The following HADHB variants were observed in gnomAD, a reference collection of about 807,000 sequenced individuals.
HADHB encodes the protein hydroxyacyl-CoA dehydrogenase trifunctional multienzyme complex subunit beta, also known as trifunctional enzyme subunit beta, mitochondrial.
In HADHB, 50 loss-of-function variants were observed where a neutral mutation model predicts 61.9. The observed-to-expected ratio is 0.81, with a 90% confidence interval of 0.64 to 1.02. HADHB has a LOEUF of 1.02. Among genes scored for constraint, HADHB ranks in the 50% least tolerant of loss-of-function variants. The pLI is 0.00. For synonymous variants in HADHB, 191 were observed against 201.6 expected (o/e 0.95, Z 0.45); for missense variants, 504 against 586.5 (o/e 0.86, Z 1.45).
intron 6 of HADHB, among the ~76,000 whole-genome samples, chr2:26,276,187 G>A (rs1356104880): frequency 6.6e-6 from 1 of 152,164 alleles, no homozygotes; most frequent in Admixed American, 6.5e-5. Flanking sequence ...AATTATAGAT[G>A]TGCTCATTTC....
At chr2:26,259,158 T>C (rs916503515) in intron 3 of HADHB, among the ~76,000 whole-genome samples, 1 of 152,232 alleles carries the variant, frequency 6.6e-6, no homozygotes, top group African/African-American at 2.4e-5. Flanking sequence ...TCAAGGGTTC[T>C]GTCGTGATCC....
intron 5 of HADHB, among the ~76,000 whole-genome samples, chr2:26,271,032 C>T (rs1672320783): frequency 6.6e-6 from 1 of 151,250 alleles, no homozygotes; most frequent in Non-Finnish European, 1.5e-5. Context: ...GCGCCTGCCA[C>T]CATGCCCGGC....
At chr2:26,267,110 T>A (rs977420104) in intron 4 of HADHB, among the ~76,000 whole-genome samples, 1 of 152,116 alleles carries the variant, frequency 6.6e-6, no homozygotes, top group African/African-American at 2.4e-5. Flanking sequence ...AGAATGAATC[T>A]TCTTATTTAA....
chr2:26,258,536 C>T (rs1047969615), intron 3 of HADHB, among the ~76,000 whole-genome samples: 1 of 152,202 alleles, frequency 6.6e-6, no homozygotes, highest in Non-Finnish European at 1.5e-5. Context: ...AGCGGACACC[C>T]TGCCAGATCC....
rs1023807527 is a variant in HADHB at position 26,284,898 on chromosome 2, A to G, written c.1165A>G (p.Asn389Asp). ...TCTCTTCCAGGGTCAGATTTTGGCA[A>G]ATTTTAAAGCCATGGATTCTGATTG... ...HEAFSGQILA[N>D]FKAMDSDWFA... Residue 389 changes from asparagine to aspartate, a missense_variant, in exon 14 of 16, where the codon AAT becomes GAT. By Grantham distance (23) the Asn-to-Asp change is conservative (BLOSUM62 1). Coordinates refer to ENST00000317799, the MANE Select transcript of HADHB (RefSeq NM_000183.3). The G allele has an allele frequency of 3.1e-6, 5 of 1,587,734 alleles. No individual in the cohort carries two copies. The highest frequency in any genetic ancestry group is 1.1e-5 in the South Asian group (1 of 90,532).
intron 15 of HADHB, among the ~76,000 whole-genome samples, 168 bp downstream of exon 15, chr2:26,285,739 G>GTTTTTTTTTTTTTTTTTTTTGTTTTTTTT (rs766742523): frequency 4.6e-5 from 3 of 65,082 alleles, no homozygotes; most frequent in Admixed American, 1.9e-4. Flanking sequence ...TGTTTTTTGG[G>GTTTTTTTTTTTTTTTTTTTTGTTTTTTTT]TTTTTTTTTT....
chr2:26,257,496 TTA>T (rs1671675965), intron 3 of HADHB, among the ~76,000 whole-genome samples: 1 of 152,004 alleles, frequency 6.6e-6, no homozygotes, highest in South Asian at 2.1e-4. Context: ...TCTTCCCAGT[TTA>T]TTGGGGGAGG....
chr2:26,246,427 C>T (rs1233102737), intron 1 of HADHB, among the ~76,000 whole-genome samples: 4 of 151,618 alleles, frequency 2.6e-5, no homozygotes, highest in Non-Finnish European at 5.9e-5. Context: ...ACTGCAGCCT[C>T]CTCCCGGGTT....
At chr2:26,273,259 T>G (rs1002927269) in intron 5 of HADHB, among the ~76,000 whole-genome samples, 1 of 151,386 alleles carries the variant, frequency 6.6e-6, no homozygotes, top group Non-Finnish European at 1.5e-5. Context: ...CTTCTTTTTT[T>G]TTAATTTTTT....
At chr2:26,269,898 A>T (rs1351324770) in intron 4 of HADHB, 55 bp from the exon 5 acceptor site, 7 of 1,186,902 alleles carry the variant, frequency 5.9e-6, no homozygotes, top group Non-Finnish European at 7.6e-6. Context: ...TAGAATGAAA[A>T]TTTTTCATTG....
chr2:26,271,290 C>G (rs1451760165), intron 5 of HADHB, among the ~76,000 whole-genome samples: 1 of 151,342 alleles, frequency 6.6e-6, no homozygotes, highest in Non-Finnish European at 1.5e-5. Context: ...GGCAGATCAC[C>G]TGAGGTCGGG....
At chr2:26,284,068 T>A (rs759812587) in intron 12 of HADHB, 49 bp from the exon 13 acceptor site, 10 of 1,000,090 alleles carry the variant, frequency 1.0e-5, no homozygotes, top group Non-Finnish European at 1.6e-5. Flanking sequence ...GAAGGAGCTC[T>A]TAGTTTAAAA....
chr2:26,255,041 A>T (rs1209303830), intron 3 of HADHB: 2 of 156,562 alleles, frequency 1.3e-5, no homozygotes, highest in African/African-American at 4.8e-5. Flanking sequence ...AGGCTTCTTT[A>T]CTGCAGATTT....
chr2:26,259,064 A>C (rs750144981), intron 3 of HADHB, among the ~76,000 whole-genome samples: 5 of 152,184 alleles, frequency 3.3e-5, no homozygotes, highest in Non-Finnish European at 4.4e-5. Flanking sequence ...TCCCATGATG[A>C]AACCCTAGCT....
chr2:26,253,954 A>T (rs1671508074), intron 1 of HADHB, among the ~76,000 whole-genome samples: 1 of 152,118 alleles, frequency 6.6e-6, no homozygotes, highest in Middle Eastern at 3.2e-3. Flanking sequence ...CAAGTCACTC[A>T]ATCCTACTAT....
At chr2:26,250,109 C>T (rs992925975) in intron 1 of HADHB, among the ~76,000 whole-genome samples, 6 of 152,106 alleles carry the variant, frequency 3.9e-5, no homozygotes, top group African/African-American at 9.7e-5. Context: ...CGGGTTCAAG[C>T]GATTTTCCTG....
At chr2:26,284,415 T>C (rs1672931996) in intron 13 of HADHB, among the ~76,000 whole-genome samples, 1 of 151,952 alleles carries the variant, frequency 6.6e-6, no homozygotes, top group African/African-American at 2.4e-5. Flanking sequence ...AAATTGCTTC[T>C]TTAGGAAATT....
intron 15 of HADHB, among the ~76,000 whole-genome samples, chr2:26,288,516 C>T (rs1673134873): frequency 6.6e-6 from 1 of 151,900 alleles, no homozygotes; most frequent in Non-Finnish European, 1.5e-5. Flanking sequence ...CGAGACCATC[C>T]TGGACAACAT....
intron 6 of HADHB, among the ~76,000 whole-genome samples, chr2:26,274,116 G>T (rs1250475691): frequency 6.6e-6 from 1 of 152,204 alleles, no homozygotes; most frequent in African/African-American, 2.4e-5. Flanking sequence ...ATGTTGCAGA[G>T]AACTAATTTC....
Sources: gnomAD v4.1 joint callset for allele counts (sites outside exome capture counted in the v4.1 genomes callset) on GRCh38, gnomAD v4.1.1 for gene constraint, MANE v1.5 for transcripts, NCBI Gene and HGNC (gene_info 2026-07-23, HGNC 2026-07-21) for gene names.